Variants in ASXL3 observed in about 807,000 individuals in gnomAD.
ASXL3 encodes the protein putative Polycomb group protein ASXL3.
A neutral mutation model predicts 170.6 loss-of-function variants in ASXL3; 34 were observed. The ratio of observed to expected loss-of-function variants is 0.20; its 90% confidence interval spans 0.15 to 0.27. The LOEUF (loss-of-function observed/expected upper bound fraction) is 0.27, where lower values mean the gene tolerates loss of function less well. Ranked by LOEUF, ASXL3 falls within the 10% of genes least tolerant of loss-of-function variation. The pLI, the probability that ASXL3 is intolerant of heterozygous loss-of-function variation, is 1.00. For synonymous variants in ASXL3, 1,002 were observed against 989.1 expected, an observed-to-expected ratio of 1.01 and a Z score of -0.24; for missense variants, 2,592 against 2,695.3, an observed-to-expected ratio of 0.96 and a Z score of 0.85.
At chr18:33,600,742 C>T (rs1299124591) in intron 1 of ASXL3, among the ~76,000 whole-genome samples, 1 of 152,118 alleles carries the variant, frequency 6.6e-6, no homozygotes, top group East Asian at 1.9e-4. Context: ...ATTTCATCTG[C>T]AAATTCAGGG....
intron 10 of ASXL3, among the ~76,000 whole-genome samples, chr18:33,734,800 T>C (rs2067516782): frequency 6.6e-6 from 1 of 152,208 alleles, no homozygotes; most frequent in Admixed American, 6.5e-5. Flanking sequence ...TCTAAAAATA[T>C]TGACTGTGTC....
At position 33,743,326 on chromosome 18, in the gene ASXL3, A is replaced by G. The variant is rs1340709854; in HGVS notation, c.3478A>G (p.Ile1160Val). The change falls in exon 12 of 12, where the codon ATT becomes GTT. Residue 1160 changes from isoleucine to valine, a missense_variant. By Grantham distance (29) the Ile-to-Val change is conservative (BLOSUM62 3). Transcript: ENST00000269197. The part of the protein sequence containing the change: ...TKMEGSTGVI[I>V]VNPNCRSPSN... ...AATGGAAGGTTCGACTGGTGTCATT[A>G]TTGTCAATCCAAACTGTAGATCTCC... The G allele has an allele frequency of 6.2e-7, 1 of 1,613,790 alleles. No individual in the cohort carries two copies. The highest frequency in any genetic ancestry group is 1.3e-5 in the African/African-American group (1 of 74,936).
At chr18:33,713,088 G>A (rs2067095648) in intron 8 of ASXL3, among the ~76,000 whole-genome samples, 1 of 151,912 alleles carries the variant, frequency 6.6e-6, no homozygotes, top group Non-Finnish European at 1.5e-5. Flanking sequence ...ACAGCCACCA[G>A]TAACCTCAAG....
At position 33,578,675 on chromosome 18, in the gene ASXL3, C is replaced by T; in HGVS notation, c.44C>T (p.Ala15Val). The T allele has an allele frequency of 7.4e-7, 1 of 1,342,308 alleles. No homozygotes were observed. The highest frequency in any genetic ancestry group is 1.6e-5 in the South Asian group (1 of 61,606). The allele number at this position is 1,342,308 out of a possible 1,614,324, so 83.1% of individuals were successfully genotyped here. Residue 15 changes from alanine (A) to valine (V), a missense_variant, in exon 1 of 12, where the codon GCT becomes GTT. Transcript: ENST00000269197. ...RKKKDRTWAE[A>V]ARLALEKHPN... ...AAGAAGGACCGCACCTGGGCCGAGG[C>T]TGCCCGCCTGGTACGTACCGCCCCC...
rs2067863984 is a variant in ASXL3 at position 33,750,279 on chromosome 18, G to T, written c.*3684G>T. On this transcript the variant is annotated 3_prime_UTR_variant, in exon 12 of 12. Transcript: ENST00000269197. ...CTGTCGTCTTCAGTCTTCATGCTTT[G>T]TCACTGTAAAAAGAACAAAAAGCAT... 6.6e-6 allele frequency: 1 copy of T among 152,198 alleles called. No homozygotes were observed. Among genetic ancestry groups the T allele is most frequent in the Non-Finnish European group, 1.5e-5 (1 of 68,040 alleles). 9.4% of individuals were successfully genotyped at this position (152,198 alleles called of 1,614,324 possible). A position where few individuals can be genotyped will look rare whatever the true frequency, so the allele number is the denominator to read the frequency against.
chr18:33,600,201 G>A (rs1442793305), intron 1 of ASXL3, among the ~76,000 whole-genome samples: 1 of 152,120 alleles, frequency 6.6e-6, no homozygotes, highest in African/African-American at 2.4e-5. Context: ...AACAAAGGGA[G>A]ACTTGGTCTG....
chr18:33,690,131 G>A (rs2066664126), intron 8 of ASXL3: 1 of 152,086 alleles, frequency 6.6e-6, no homozygotes, highest in African/African-American at 2.4e-5. Flanking sequence ...CCAAAGCACT[G>A]GGATTACAGG....
chr18:33,642,429 T>C (rs189760633), intron 2 of ASXL3, among the ~76,000 whole-genome samples: 17 of 152,062 alleles, frequency 1.1e-4, no homozygotes, highest in African/African-American at 4.1e-4. Context: ...TTTTCCTCCA[T>C]AAAGGAATGA....
intron 1 of ASXL3, among the ~76,000 whole-genome samples, chr18:33,597,688 A>G (rs923340953): frequency 6.6e-6 from 1 of 152,084 alleles, no homozygotes; most frequent in Admixed American, 6.6e-5. Context: ...CACTTGGACA[A>G]GGAGGCATGG....
chr18:33,645,703 T>A (rs2065905466), intron 3 of ASXL3, among the ~76,000 whole-genome samples: 1 of 151,922 alleles, frequency 6.6e-6, no homozygotes, highest in South Asian at 2.1e-4. Context: ...AAAAGAAGTC[T>A]CTGCTTTAAT....
intron 8 of ASXL3, among the ~76,000 whole-genome samples, chr18:33,723,252 T>G (rs951598079): frequency 6.6e-6 from 1 of 152,182 alleles, no homozygotes; most frequent in African/African-American, 2.4e-5. Context: ...AGGTAGTGAT[T>G]CCTCTGATGG....
intron 2 of ASXL3, among the ~76,000 whole-genome samples, chr18:33,613,378 A>T (rs556650842): frequency 6.6e-6 from 1 of 151,812 alleles, no homozygotes; most frequent in African/African-American, 2.4e-5. Flanking sequence ...TTACAAATCT[A>T]TTTTTTTCCT....
intron 2 of ASXL3, among the ~76,000 whole-genome samples, chr18:33,612,415 T>C (rs780355597): frequency 8.5e-5 from 13 of 152,134 alleles, no homozygotes; most frequent in Non-Finnish European, 1.8e-4. Context: ...TGTTTAGCGT[T>C]CCTCAGAATA....
Position 33,683,460 on chromosome 18 carries a change from T to C in ASXL3, c.771T>C (p.Ile257=), listed in dbSNP as rs2066545961. 9.9e-6 allele frequency: 16 copies of C among 1,613,662 alleles called. No homozygotes were observed. The highest frequency in any genetic ancestry group is 1.4e-5 in the Non-Finnish European group (16 of 1,179,730). The change falls in exon 8 of 12, where the codon ATT becomes ATC. Residue 257 remains isoleucine, a synonymous_variant. Transcript: ENST00000269197. ...TTGACATAGAAACCCCAGGATCTAT[T>C]CTTGTCAACACTAACTTGAGGGCAT... ...EDIDIETPGS[I]LVNTNLRALI...
rs574328200 is a variant in ASXL3, at chr18:33,597,792, A to C, written c.55-9802A>C. 4.7e-5 allele frequency among the ~76,000 whole-genome samples: 4 copies of C among 85,424 alleles called. No homozygotes were observed. In the South Asian group the frequency reaches 1.2e-3, roughly 25 times the overall value. 56.0% of individuals were successfully genotyped at this position (85,424 alleles called of 152,430 possible). Reference sequence around the variant, plus strand: ...TATTGGTGTCTCAGTTCTCTCATCTACAAAAAAAAAAAAACAAAAAAAACA... The same window carrying C: ...TATTGGTGTCTCAGTTCTCTCATCTCCAAAAAAAAAAAAACAAAAAAAACA... On this transcript the variant is annotated intron_variant, in intron 1 of 11. Coordinates refer to ENST00000269197, the MANE Select transcript of ASXL3 (RefSeq NM_030632.3).
At chr18:33,654,588 T>C (rs1489946256) in intron 4 of ASXL3, among the ~76,000 whole-genome samples, 1 of 152,108 alleles carries the variant, frequency 6.6e-6, no homozygotes, top group Non-Finnish European at 1.5e-5. Context: ...ATCTCCTTCC[T>C]GTCCACTTTT....
intron 5 of ASXL3, among the ~76,000 whole-genome samples, chr18:33,666,890 C>T (rs956485153): frequency 6.6e-6 from 1 of 152,184 alleles, no homozygotes; most frequent in Non-Finnish European, 1.5e-5. Context: ...CTAGGCTACA[C>T]GTCGTACAGT....
intron 8 of ASXL3, among the ~76,000 whole-genome samples, chr18:33,731,647 C>T (rs1407834969): frequency 6.6e-6 from 1 of 152,162 alleles, no homozygotes; most frequent in Non-Finnish European, 1.5e-5. Flanking sequence ...TCACCAACTA[C>T]ATAAGAAGCC....
rs376654969 is a variant in ASXL3, at chr18:33,601,785, G to GTTTATATATATATATATATATATA, written c.55-5808_55-5807insTTATATATATATATATATATATAT. On this transcript the variant is annotated intron_variant, in intron 1 of 11. Coordinates refer to ENST00000269197, the MANE Select transcript of ASXL3 (RefSeq NM_030632.3). ...TGAGAATTTAAGTAAATATCTGATT[G>GTTTATATATATATATATATATATA]TATATATATAGTTTGTTTGTTTTGA... is the stretch of plus-strand genomic sequence containing the variant. Among the ~76,000 whole-genome samples, 793 of 103,914 alleles carry GTTTATATATATATATATATATATA rather than the reference G, an allele frequency of 7.6e-3. 60 individuals are homozygous for GTTTATATATATATATATATATATA. The highest frequency in any genetic ancestry group is 0.012 in the Non-Finnish European group (533 of 44,802). 68.2% of individuals were successfully genotyped at this position (103,914 alleles called of 152,430 possible).
Sources: allele counts gnomAD v4.1 joint callset (sites outside exome capture counted in the v4.1 genomes callset), GRCh38; gene constraint gnomAD v4.1.1; transcripts MANE v1.5; gene names NCBI Gene and HGNC (gene_info 2026-07-23, HGNC 2026-07-21).